Variants in GRM8 observed in about 807,000 individuals in gnomAD.
The protein encoded by GRM8 is metabotropic glutamate receptor 8.
In GRM8, 47 loss-of-function variants were observed where a neutral mutation model predicts 87.2. The ratio of observed to expected loss-of-function variants is 0.54; its 90% CI spans 0.43 to 0.69. The LOEUF (loss-of-function observed/expected upper bound fraction) is 0.69. GRM8 is among the 30% of genes least tolerant of loss of function. The pLI is 0.00. For missense variants in GRM8, 1,019 were observed against 1,139.2 expected, an observed-to-expected ratio of 0.89 and a Z score of 1.52; for synonymous variants, 396 against 404.5, an observed-to-expected ratio of 0.98 and a Z score of 0.25.
At chr7:126,994,580 G>A (rs1053360022) in intron 3 of GRM8, among the ~76,000 whole-genome samples, 1 of 152,150 alleles carries the variant, frequency 6.6e-6, no homozygotes, top group African/African-American at 2.4e-5. Flanking sequence ...TGGGCCTTAA[G>A]TGAATCTTAG....
intron 6 of GRM8, among the ~76,000 whole-genome samples, chr7:126,887,121 C>T (rs1220332336): frequency 6.6e-6 from 1 of 151,966 alleles, no homozygotes; most frequent in Non-Finnish European, 1.5e-5. Flanking sequence ...ACCTGAAAAT[C>T]AAACCAGCAG....
At chr7:127,192,343 T>G (rs978115185) in intron 2 of GRM8, among the ~76,000 whole-genome samples, 1 of 152,212 alleles carries the variant, frequency 6.6e-6, no homozygotes, top group African/African-American at 2.4e-5. Flanking sequence ...CAGTTTGTCA[T>G]TGTTGTTTAA....
At chr7:127,180,798 T>G (rs934754396) in intron 2 of GRM8, among the ~76,000 whole-genome samples, 1 of 152,046 alleles carries the variant, frequency 6.6e-6, no homozygotes, top group Non-Finnish European at 1.5e-5. Context: ...CAGCATTGCT[T>G]TATGATTAAA....
At chr7:126,671,501 C>T (rs546346620) in intron 7 of GRM8, among the ~76,000 whole-genome samples, 1 of 152,302 alleles carries the variant, frequency 6.6e-6, no homozygotes, top group East Asian at 1.9e-4. Context: ...CGTTTCAAAA[C>T]TTATCATATG....
intron 9 of GRM8, 90 bp downstream of exon 9, chr7:126,532,862 A>G: frequency 1.5e-6 from 1 of 667,542 alleles, no homozygotes; most frequent in Non-Finnish European, 2.6e-6. Flanking sequence ...TTTAGAGAAT[A>G]TAAGTGAACC....
intron 6 of GRM8, among the ~76,000 whole-genome samples, chr7:126,807,872 C>T (rs559318013): frequency 2.6e-5 from 4 of 152,178 alleles, no homozygotes; most frequent in Admixed American, 2.6e-4. Context: ...GCCTACAACC[C>T]ATAGATACTT....
At chr7:126,740,981 G>A (rs1178738577) in intron 7 of GRM8, among the ~76,000 whole-genome samples, 4 of 152,054 alleles carry the variant, frequency 2.6e-5, no homozygotes, top group African/African-American at 4.8e-5. Flanking sequence ...AGTTGAAAGT[G>A]GGGGAACTTA....
chr7:127,028,497 G>C (rs1403714070), intron 3 of GRM8, among the ~76,000 whole-genome samples: 1 of 152,110 alleles, frequency 6.6e-6, no homozygotes, highest in East Asian at 1.9e-4. Flanking sequence ...ATTAATGATT[G>C]CCTCAATTTC....
intron 7 of GRM8, among the ~76,000 whole-genome samples, chr7:126,731,666 T>C (rs1813594208): frequency 6.6e-6 from 1 of 152,080 alleles, no homozygotes; most frequent in Admixed American, 6.6e-5. Context: ...AAGTCAATAT[T>C]TAGATTAGAA....
At chr7:126,459,009 GAA>G (rs879422583) in intron 9 of GRM8, among the ~76,000 whole-genome samples, 1 of 133,378 alleles carries the variant, frequency 7.5e-6, no homozygotes. Flanking sequence ...AACTTTAATA[GAA>G]AAAAAAAAAG....
At chr7:126,452,349 G>C (rs557682743) in intron 9 of GRM8, among the ~76,000 whole-genome samples, 1 of 150,348 alleles carries the variant, frequency 6.7e-6, no homozygotes, top group Non-Finnish European at 1.5e-5. Flanking sequence ...TGAGTTAATG[G>C]GTGCAGCACA....
intron 9 of GRM8, among the ~76,000 whole-genome samples, chr7:126,463,773 A>T (rs1188528783): frequency 6.6e-6 from 1 of 151,582 alleles, no homozygotes; most frequent in Non-Finnish European, 1.5e-5. Flanking sequence ...TGCCTGATGT[A>T]CAACTTTCTC....
At chr7:126,459,885 T>C (rs1803695122) in intron 9 of GRM8, among the ~76,000 whole-genome samples, 1 of 151,550 alleles carries the variant, frequency 6.6e-6, no homozygotes, top group Non-Finnish European at 1.5e-5. Flanking sequence ...CCTTTCTGTG[T>C]TCCACACCTT....
At chr7:127,247,966 G>A (rs1049825917) in intron 1 of GRM8, among the ~76,000 whole-genome samples, 1 of 152,118 alleles carries the variant, frequency 6.6e-6, no homozygotes, top group African/African-American at 2.4e-5. Context: ...TGATACAGGA[G>A]AAGCTCGACT....
intron 7 of GRM8, among the ~76,000 whole-genome samples, chr7:126,636,336 C>A (rs1801849525): frequency 6.6e-6 from 1 of 151,952 alleles, no homozygotes; most frequent in East Asian, 1.9e-4. Context: ...CCCATGGATA[C>A]CAAAATCCAA....
At chr7:126,814,753 A>ATTCTTATAT (rs1793617899) in intron 6 of GRM8, among the ~76,000 whole-genome samples, 1 of 150,128 alleles carries the variant, frequency 6.7e-6, no homozygotes, top group African/African-American at 2.5e-5. Context: ...TTCTAATGCC[A>ATTCTTATAT]TTCTTATATT....
intron 7 of GRM8, among the ~76,000 whole-genome samples, chr7:126,663,352 C>T (rs892006945): frequency 1.3e-5 from 2 of 152,174 alleles, no homozygotes; most frequent in Non-Finnish European, 2.9e-5. Context: ...AAGAAAACTA[C>T]AGGCCAATAT....
At position 126,570,425 on chromosome 7, in the gene GRM8, C is replaced by A. The variant is rs181823748; in HGVS notation, c.1495-36538G>T. ...GGCTCAAAGCATTAAGCCACTCCAG[C>A]TGCAATAGCCTACTTCATTGTATGA... On this transcript the variant is annotated intron_variant, in intron 8 of 10. Coordinates refer to ENST00000339582, the MANE Select transcript of GRM8 (RefSeq NM_000845.3). 8.2e-4 allele frequency among the ~76,000 whole-genome samples: 125 copies of A among 152,252 alleles called. 1 individual carries two copies. The highest frequency in any genetic ancestry group is 1.9e-4 in the East Asian group (1 of 5,176).
chr7:126,998,641 GA>G (rs1217281559), intron 3 of GRM8, among the ~76,000 whole-genome samples: 3 of 150,648 alleles, frequency 2.0e-5, no homozygotes, highest in Non-Finnish European at 3.0e-5. Flanking sequence ...ATCTGAAAAA[GA>G]AAAAAAGTTC....
Sources: allele counts gnomAD v4.1 joint callset (sites outside exome capture counted in the v4.1 genomes callset), GRCh38; gene constraint gnomAD v4.1.1; transcripts MANE v1.5; gene names NCBI Gene and HGNC (gene_info 2026-07-23, HGNC 2026-07-21).